MAFF: variants seen among roughly 807,000 people sequenced by gnomAD.
The protein encoded by MAFF is MAF bZIP transcription factor F, also known as transcription factor MafF.
MAFF carries 4 observed loss-of-function variants against 2.7 expected under a neutral mutation model. The observed-to-expected ratio is 1.48, with a 90% confidence interval of 0.73 to 3.39. MAFF has a LOEUF of 3.39. MAFF is among the 30% of genes most tolerant of loss of function. The pLI, the probability that MAFF is intolerant of heterozygous loss-of-function variation, is 0.01. For synonymous variants in MAFF, 113 were observed against 119.4 expected (o/e 0.95, Z 0.35); for missense variants, 190 against 246.6 (o/e 0.77, Z 1.54).
In MAFF at chr22:38,214,013, A is replaced by T; in HGVS notation, c.36+124A>T. 2.0e-6 allele frequency: 2 copies of T among 1,016,588 alleles called. No homozygotes were observed. Among genetic ancestry groups the T allele is most frequent in the Non-Finnish European group, 3.0e-6 (2 of 669,272 alleles). The allele number at this position is 1,016,588 out of a possible 1,614,324, so 63.0% of individuals were successfully genotyped here. On this transcript the variant is annotated intron_variant, in intron 2 of 2. Transcript: ENST00000338483. This position sits in a 1 kb window ranked among gnomAD's most constrained non-coding sequence, Gnocchi z 6.3. ...GTGGCTCAGCAGGCACCAGGCCTTCATGATGCCAAAGGGAAGGGCCACAGC... is the reference window on the plus strand; with the variant it reads ...GTGGCTCAGCAGGCACCAGGCCTTCTTGATGCCAAAGGGAAGGGCCACAGC...
Position 38,214,766 on chromosome 22 carries a change from C to A in MAFF, c.383C>A (p.Ala128Asp). The A allele has an allele frequency of 7.0e-7, 1 of 1,432,484 alleles. No homozygotes were observed. The highest frequency in any genetic ancestry group is 1.4e-5 in the South Asian group (1 of 70,932). 88.7% of individuals were successfully genotyped at this position (1,432,484 alleles called of 1,614,324 possible). ...ARSVAAARGPATLVAPASVIT... is the reference protein window; with the variant it reads ...ARSVAAARGPDTLVAPASVIT... Reference sequence around the variant, plus strand: ...TCCGTGGCCGCCGCCCGCGGGCCCGCCACGCTCGTGGCGCCGGCCAGCGTC... The same window carrying A: ...TCCGTGGCCGCCGCCCGCGGGCCCGACACGCTCGTGGCGCCGGCCAGCGTC... Residue 128 changes from alanine to aspartate, a missense_variant, in exon 3 of 3, where the codon GCC becomes GAC. Ala to Asp is a moderately radical substitution (Grantham distance 126). Coordinates refer to ENST00000338483, the MANE Select transcript of MAFF (RefSeq NM_012323.4). This position sits in a 1 kb window ranked among gnomAD's most constrained non-coding sequence, Gnocchi z 6.3.
In MAFF at chr22:38,202,868, C is replaced by T. The variant is rs1387849183; in HGVS notation, c.-32+656C>T. 2.0e-5 allele frequency: 3 copies of T among 152,298 alleles called. No individual in the cohort carries two copies. The highest frequency in any genetic ancestry group is 2.1e-4 in the South Asian group (1 of 4,836). 9.4% of individuals were successfully genotyped at this position (152,298 alleles called of 1,614,324 possible). A position where few individuals can be genotyped will look rare whatever the true frequency, so the allele number is the denominator to read the frequency against. On this transcript the variant is annotated intron_variant, in intron 1 of 2. Coordinates refer to ENST00000338483, the MANE Select transcript of MAFF (RefSeq NM_012323.4). This position sits in a 1 kb window ranked among gnomAD's most constrained non-coding sequence, Gnocchi z 7.4. ...CGCACGGGGTCTGGGAATTCTGGCC[C>T]GGGCCGCCCCAGTCCTACTACCCGG...
At chr22:38,207,364 G>T (rs917343236) in intron 1 of MAFF, among the ~76,000 whole-genome samples, 2 of 146,242 alleles carry the variant, frequency 1.4e-5, no homozygotes, top group Non-Finnish European at 3.0e-5. Flanking sequence ...CTCATGATCC[G>T]CCCACCTCGG....
chr22:38,210,184 C>A (rs1438708445), intron 1 of MAFF, among the ~76,000 whole-genome samples: 4 of 152,334 alleles, frequency 2.6e-5, no homozygotes, highest in African/African-American at 9.6e-5. Flanking sequence ...CACTCTGGGT[C>A]CACCCAGCTA....
intron 1 of MAFF, among the ~76,000 whole-genome samples, chr22:38,204,896 G>A (rs2146010104): frequency 6.6e-6 from 1 of 152,224 alleles, no homozygotes; most frequent in Middle Eastern, 3.4e-3. Context: ...GTTTGTGTCA[G>A]TAGTGATTCC....
chr22:38,204,805 C>A (rs2091039492), intron 1 of MAFF, among the ~76,000 whole-genome samples: 1 of 152,160 alleles, frequency 6.6e-6, no homozygotes, highest in African/African-American at 2.4e-5. Flanking sequence ...CGGTTGAGGC[C>A]TGAGGACCCT....
At chr22:38,205,335 G>A (rs958668393) in intron 1 of MAFF, 3 of 152,308 alleles carry the variant, frequency 2.0e-5, no homozygotes, top group Admixed American at 6.5e-5. Context: ...TCTCTGTGGT[G>A]CTTGGTTCTT....
chr22:38,211,360 G>T (rs150033977), intron 1 of MAFF, among the ~76,000 whole-genome samples: 1,552 of 152,112 alleles, frequency 0.01, 33 homozygotes, highest in African/African-American at 0.035. Context: ...CCAAGTAGCT[G>T]GGACTACAGG....
At chr22:38,211,527 T>TG (rs11450220) in intron 1 of MAFF, among the ~76,000 whole-genome samples, 87,610 of 151,996 alleles carry the variant, frequency 0.58, 25,697 homozygotes, top group African/African-American at 0.66. Context: ...GCCCGGCCAC[T>TG]GGGGATCACT....
rs1360338054 is a variant in MAFF, at chr22:38,214,700, C to T, written c.317C>T (p.Ala106Val). The change falls in exon 3 of 3, where the codon GCG (alanine) becomes GTG (valine). Residue 106 changes from alanine (A) to valine (V), a missense_variant. Physicochemically the swap from Ala to Val is moderately conservative, Grantham distance 64. Transcript: ENST00000338483. The surrounding 1 kb of genome is among the most constrained non-coding windows in gnomAD (Gnocchi z 6.3). ...GCCGCCATGCGCCTGGAGCTCGACG[C>T]GCTGCGCGGCAAGTGCGAGGCGCTG... ...ENAAMRLELDALRGKCEALQG... is the reference protein window; with the variant it reads ...ENAAMRLELDVLRGKCEALQG... 6 of 1,540,490 alleles carry T rather than the reference C, an allele frequency of 3.9e-6. No individual in the cohort carries two copies. The highest frequency in any genetic ancestry group is 5.2e-6 in the Non-Finnish European group (6 of 1,144,794).
Position 38,215,032 on chromosome 22 carries a change from C to G in MAFF, c.*154C>G. On this transcript the variant is annotated 3_prime_UTR_variant, in exon 3 of 3. Coordinates refer to ENST00000338483, the MANE Select transcript of MAFF (RefSeq NM_012323.4). Reference sequence around the variant, plus strand: ...CTTCGTGGGCCCTGTCTTCCTCTTGCAGCCCCCCAAACTGGGACCGAATGA... The same window carrying G: ...CTTCGTGGGCCCTGTCTTCCTCTTGGAGCCCCCCAAACTGGGACCGAATGA... The G allele has an allele frequency of 4.7e-6, 3 of 644,922 alleles. No individual in the cohort carries two copies. The highest frequency in any genetic ancestry group is 8.3e-6 in the Non-Finnish European group (3 of 362,646). The allele number at this position is 644,922 out of a possible 1,614,324, so 39.9% of individuals were successfully genotyped here.
chr22:38,209,027 T>G (rs2091075663), intron 1 of MAFF, among the ~76,000 whole-genome samples: 1 of 150,458 alleles, frequency 6.6e-6, no homozygotes, highest in Non-Finnish European at 1.5e-5. Context: ...CTTAGGATAG[T>G]AGGGAACCAT....
At chr22:38,212,133 G>T (rs1283127931) in intron 1 of MAFF, among the ~76,000 whole-genome samples, 1 of 152,116 alleles carries the variant, frequency 6.6e-6, no homozygotes, top group Non-Finnish European at 1.5e-5. Flanking sequence ...TCAAATAGCT[G>T]GGACTACAGG....
intron 1 of MAFF, among the ~76,000 whole-genome samples, chr22:38,204,530 C>A (rs966947089): frequency 2.6e-5 from 4 of 152,114 alleles, no homozygotes; most frequent in Admixed American, 6.5e-5. Flanking sequence ...AGCCCTGGAT[C>A]CCTGCCCTCT....
rs112713605 is a variant in MAFF at position 38,212,322 on chromosome 22, G to A, written c.-31-1501G>A. Among the ~76,000 whole-genome samples the A allele has an allele frequency of 1.9e-3, 285 of 152,190 alleles. 1 individual carries two copies. The highest frequency in any genetic ancestry group is 6.7e-3 in the African/African-American group (279 of 41,534). On this transcript the variant is annotated intron_variant, in intron 1 of 2. Transcript: ENST00000338483. ...AGCCTATCTTCCTTTATTTTCCTTG[G>A]CTTCTTATCACTGCCCCCTCCCCTT...
rs770292607 is a variant in MAFF, at chr22:38,214,461, C to A, written c.78C>A (p.Asp26Glu). The A allele has an allele frequency of 5.3e-5, 85 of 1,608,186 alleles. No homozygotes were observed. Among genetic ancestry groups the A allele is most frequent in the Non-Finnish European group, 7.2e-5 (85 of 1,178,322 alleles). Residue 26 changes from aspartate to glutamate, a missense_variant, in exon 3 of 3, where the codon GAC becomes GAA. Transcript: ENST00000338483. The surrounding 1 kb of genome is among the most constrained non-coding windows in gnomAD (Gnocchi z 6.3). ...ELSENTPHLSDEALMGLSVRE... is the reference protein window; with the variant it reads ...ELSENTPHLSEEALMGLSVRE... ...GCGAGAACACGCCGCACCTGTCGGA[C>A]GAGGCGCTGATGGGGCTGTCGGTGC...
chr22:38,211,054 C>G (rs2091095879), intron 1 of MAFF, among the ~76,000 whole-genome samples: 1 of 151,106 alleles, frequency 6.6e-6, no homozygotes, highest in African/African-American at 2.4e-5. Flanking sequence ...TGAGTGAGAC[C>G]CTGTATAAAA....
chr22:38,207,480 AC>A (rs2146014090), intron 1 of MAFF, among the ~76,000 whole-genome samples: 1 of 117,250 alleles, frequency 8.5e-6, no homozygotes, highest in East Asian at 2.6e-4. Flanking sequence ...TCGCTCTGTC[AC>A]CCAGGCTGGA....
rs545420881 is a variant in MAFF, at chr22:38,213,802, T to A, written c.-31-21T>A. The A allele has an allele frequency of 3.2e-6, 5 of 1,576,630 alleles. No individual in the cohort carries two copies. In the South Asian group the frequency reaches 5.5e-5, roughly 17 times the overall value. ...GGAAACCAAAAACAAAACAGTGACTTTGACCTCCTTTCTACCCTAGGTCTG... is the reference window on the plus strand; with the variant it reads ...GGAAACCAAAAACAAAACAGTGACTATGACCTCCTTTCTACCCTAGGTCTG... On this transcript the variant is annotated intron_variant, in intron 1 of 2. Coordinates refer to ENST00000338483, the MANE Select transcript of MAFF (RefSeq NM_012323.4).
Sources: gnomAD v4.1 joint callset for allele counts (sites outside exome capture counted in the v4.1 genomes callset) on GRCh38, gnomAD v4.1.1 for gene constraint, Gnocchi (gnomAD v3.1) non-coding constraint, MANE v1.5 for transcripts, NCBI Gene and HGNC (gene_info 2026-07-23, HGNC 2026-07-21) for gene names.